Variants in WWOX observed in about 807,000 individuals in gnomAD.
WWOX encodes the protein WW domain containing oxidoreductase, also known as WW domain-containing oxidoreductase.
WWOX carries 69 observed loss-of-function variants against 46.2 expected under a neutral mutation model. The ratio of observed to expected loss-of-function variants is 1.49; its 90% CI spans 1.23 to 1.82. The LOEUF (loss-of-function observed/expected upper bound fraction) is 1.82, where lower values mean the gene tolerates loss of function less well. WWOX is among the 40% of genes most tolerant of loss of function. The pLI, the probability that WWOX is intolerant of heterozygous loss-of-function variation, is 0.00. For missense variants in WWOX, 919 were observed against 542.6 expected (o/e 1.69, Z -6.89); for synonymous variants, 359 against 202.6 (o/e 1.77, Z -6.56).
chr16:78,826,214 G>A (rs2051652597), intron 8 of WWOX, among the ~76,000 whole-genome samples: 1 of 152,150 alleles, frequency 6.6e-6, no homozygotes, highest in African/African-American at 2.4e-5. Flanking sequence ...GATTAGCCTG[G>A]CGTGCCCTGT....
chr16:78,305,695 C>T (rs1160640409), intron 5 of WWOX, among the ~76,000 whole-genome samples: 1 of 151,856 alleles, frequency 6.6e-6, no homozygotes, highest in Non-Finnish European at 1.5e-5. Flanking sequence ...GACAGAAAGT[C>T]ACCCACCCAC....
intron 4 of WWOX, among the ~76,000 whole-genome samples, chr16:78,121,055 C>A (rs1372568139): frequency 6.6e-6 from 1 of 151,936 alleles, no homozygotes; most frequent in Non-Finnish European, 1.5e-5. Context: ...TAGTCATTTT[C>A]ATGGGTAAAA....
intron 8 of WWOX, among the ~76,000 whole-genome samples, chr16:78,950,384 G>A (rs2046034475): frequency 6.6e-6 from 1 of 152,144 alleles, no homozygotes; most frequent in Non-Finnish European, 1.5e-5. Context: ...ATGGTGGCAT[G>A]CCATTGTTCT....
At chr16:79,073,149 C>G (rs1025443310) in intron 8 of WWOX, among the ~76,000 whole-genome samples, 2 of 92,606 alleles carry the variant, frequency 2.2e-5, no homozygotes, top group Non-Finnish European at 2.1e-5. Flanking sequence ...AGTAGTTATT[C>G]GTTATTATTA....
At chr16:78,914,915 G>T (rs1248170666) in intron 8 of WWOX, among the ~76,000 whole-genome samples, 1 of 149,950 alleles carries the variant, frequency 6.7e-6, no homozygotes, top group Non-Finnish European at 1.5e-5. Context: ...GAACCAGATG[G>T]CCCTGCCCTT....
At chr16:78,422,889 A>C (rs200884603) in intron 6 of WWOX, among the ~76,000 whole-genome samples, 2 of 121,892 alleles carry the variant, frequency 1.6e-5, no homozygotes, top group East Asian at 4.5e-4. Context: ...ACACACATAT[A>C]TTTTTTTTTT....
rs761356268 is a variant in WWOX at position 78,759,484 on chromosome 16, G to A, written c.1056+326732G>A. 7.2e-4 allele frequency among the ~76,000 whole-genome samples: 109 copies of A among 152,124 alleles called. 1 individual carries two copies. Among genetic ancestry groups the A allele is most frequent in the South Asian group, 2.1e-4 (1 of 4,828 alleles). On this transcript the variant is annotated intron_variant, in intron 8 of 8. Coordinates refer to ENST00000566780, the MANE Select transcript of WWOX (RefSeq NM_016373.4). The stretch of plus-strand genomic sequence containing the variant: ...GATTTTGGTGGTGTTTGCCCTTGAA[G>A]CCTCTTGACATACAGTGTCATCAAG...
chr16:78,973,872 A>G lies in WWOX; in HGVS notation c.1057-237736A>G, dbSNP rs531692172. 8.9e-4 allele frequency among the ~76,000 whole-genome samples: 135 copies of G among 152,348 alleles called. 2 individuals carry two copies. The highest frequency in any genetic ancestry group is 6.5e-3 in the Admixed American group (100 of 15,306). ...CTTCCCTTGGAAAACGGAAATTTCTATCTCCAACTAGGGAAAAATTTGCAT... is the reference window on the plus strand; with the variant it reads ...CTTCCCTTGGAAAACGGAAATTTCTGTCTCCAACTAGGGAAAAATTTGCAT... On this transcript the variant is annotated intron_variant, in intron 8 of 8. Transcript: ENST00000566780.
chr16:79,183,739 C>G (rs1228972845), intron 8 of WWOX, among the ~76,000 whole-genome samples: 1 of 152,214 alleles, frequency 6.6e-6, no homozygotes, highest in East Asian at 1.9e-4. Flanking sequence ...TGCACCCACT[C>G]TACAGATGAG....
chr16:78,413,494 G>A (rs2082728437), intron 6 of WWOX, among the ~76,000 whole-genome samples: 1 of 152,140 alleles, frequency 6.6e-6, no homozygotes, highest in South Asian at 2.1e-4. Context: ...AGGGTGGGGA[G>A]AATTACAAAG....
chr16:78,878,027 C>T lies in WWOX; in HGVS notation c.1057-333581C>T, dbSNP rs560641086. On this transcript the variant is annotated intron_variant, in intron 8 of 8. Transcript: ENST00000566780. ...GGCTCTAGCAGGTCCCTTCTCTTTGCGTCACCAGAGAGGAAGATCCCCTAA... is the reference window on the plus strand; with the variant it reads ...GGCTCTAGCAGGTCCCTTCTCTTTGTGTCACCAGAGAGGAAGATCCCCTAA... Among the ~76,000 whole-genome samples the T allele has an allele frequency of 1.1e-4, 16 of 152,294 alleles. No individual in the cohort carries two copies. The South Asian group carries it at 2.7e-3, about 26-fold the overall frequency.
chr16:78,624,327 C>G (rs374687050), intron 8 of WWOX, among the ~76,000 whole-genome samples: 17 of 151,692 alleles, frequency 1.1e-4, no homozygotes, highest in Non-Finnish European at 4.4e-5. Flanking sequence ...TTCTCTGCCT[C>G]CTTTGCTAAC....
intron 6 of WWOX, among the ~76,000 whole-genome samples, chr16:78,421,415 C>A (rs1048742695): frequency 6.6e-6 from 1 of 152,122 alleles, no homozygotes; most frequent in African/African-American, 2.4e-5. Context: ...TTCCTTCTCC[C>A]CTTCTGTTTT....
intron 5 of WWOX, among the ~76,000 whole-genome samples, chr16:78,260,427 G>A (rs1482248418): frequency 6.6e-6 from 1 of 151,622 alleles, no homozygotes; most frequent in East Asian, 1.9e-4. Context: ...CACTTTGGGA[G>A]GCCAAGGCGG....
intron 8 of WWOX, among the ~76,000 whole-genome samples, chr16:78,930,758 T>C (rs2045606966): frequency 6.6e-6 from 1 of 152,140 alleles, no homozygotes; most frequent in Non-Finnish European, 1.5e-5. Context: ...TGAAAAGTCC[T>C]GGCAAGGTTC....
In WWOX at chr16:78,554,359, C is replaced by T. The variant is rs561287314; in HGVS notation, c.1056+121607C>T. Among the ~76,000 whole-genome samples the T allele has an allele frequency of 1.1e-4, 17 of 152,252 alleles. No homozygotes were observed. The East Asian group carries it at 3.1e-3, about 28-fold the overall frequency. On this transcript the variant is annotated intron_variant, in intron 8 of 8. Coordinates refer to ENST00000566780, the MANE Select transcript of WWOX (RefSeq NM_016373.4). ...ATTATTTATATCCTACCGCTCAAAG[C>T]CATCACCAAGGTCTGATCGTGAAAA...
intron 8 of WWOX, among the ~76,000 whole-genome samples, chr16:79,161,588 T>C (rs921052580): frequency 6.6e-6 from 1 of 152,208 alleles, no homozygotes; most frequent in African/African-American, 2.4e-5. Flanking sequence ...AGTGGCGTGA[T>C]CTTGGCTCAC....
chr16:78,581,594 A>G (rs1262478391), intron 8 of WWOX, among the ~76,000 whole-genome samples: 1 of 152,170 alleles, frequency 6.6e-6, no homozygotes, highest in Non-Finnish European at 1.5e-5. Flanking sequence ...TTTTTTAACC[A>G]GTAAATGCAC....
intron 8 of WWOX, among the ~76,000 whole-genome samples, chr16:79,070,149 T>C (rs895827498): frequency 7.2e-5 from 11 of 152,232 alleles, no homozygotes; most frequent in Admixed American, 1.3e-4. Flanking sequence ...ATTTCCCTAA[T>C]ACCAAGGCAA....
Sources: gnomAD v4.1 joint callset for allele counts (sites outside exome capture counted in the v4.1 genomes callset) on GRCh38, gnomAD v4.1.1 for gene constraint, MANE v1.5 for transcripts, NCBI Gene and HGNC (gene_info 2026-07-23, HGNC 2026-07-21) for gene names.